Variants in LBP observed in about 807,000 individuals in gnomAD.
The protein encoded by LBP is lipopolysaccharide binding protein.
In LBP, 53 loss-of-function variants were observed where a neutral mutation model predicts 56.6. That is an observed-to-expected ratio of 0.94 (90% confidence interval 0.75 to 1.18). The LOEUF is 1.18. Ranked by LOEUF, LBP falls within the 50% of genes most tolerant of loss-of-function variation. LBP has a pLI of 0.00. For synonymous variants in LBP, 227 were observed against 247.5 expected (o/e 0.92, Z 0.78); for missense variants, 601 against 598.3 (o/e 1.00, Z -0.05).
rs1358381954 is a variant in LBP, at chr20:38,376,978, T to C, written c.*309T>C. On this transcript the variant is annotated 3_prime_UTR_variant, in exon 15 of 15. Transcript: ENST00000217407. ...CCCATGCCTAGCAGAGTGCTGGCAC[T>C]TAGTAGGTCCTCAATAAATATTTAT... 1 of 539,962 alleles carries C rather than the reference T, an allele frequency of 1.9e-6. No homozygotes were observed. Among genetic ancestry groups the C allele is most frequent in the Non-Finnish European group, 3.6e-6 (1 of 281,568 alleles). 33.4% of individuals were successfully genotyped at this position (539,962 alleles called of 1,614,324 possible).
intron 2 of LBP, 117 bp downstream of exon 2, chr20:38,349,779 A>G (rs1739655): frequency 0.93 from 636,520 of 686,746 alleles, 296,044 homozygotes; most frequent in Non-Finnish European, 0.96. Context: ...TCTCCGGGGC[A>G]GACAGTGGGA....
chr20:38,354,318 G>A lies in LBP; in HGVS notation c.403G>A (p.Gly135Ser), dbSNP rs746654448. 3 of 1,613,678 alleles carry A rather than the reference G, an allele frequency of 1.9e-6. No homozygotes were observed. Among genetic ancestry groups the A allele is most frequent in the South Asian group, 2.2e-5 (2 of 91,070 alleles). Residue 135 changes from glycine to serine, a missense_variant, in exon 4 of 15, where the codon GGC becomes AGC. By Grantham distance (56) the Gly-to-Ser change is moderately conservative. Coordinates refer to ENST00000217407, the MANE Select transcript of LBP (RefSeq NM_004139.5). ...LQGSFDVSVK[G>S]ISISVNLLLG... The stretch of plus-strand genomic sequence containing the variant: ...GGGCTCCTTTGATGTCAGTGTCAAG[G>A]GCATCAGCATTTCGGTCAACCTCCT...
chr20:38,365,394 A>T (rs552832693), intron 8 of LBP, among the ~76,000 whole-genome samples: 7 of 152,088 alleles, frequency 4.6e-5, no homozygotes, highest in African/African-American at 1.4e-4. Flanking sequence ...GAGGTTTATT[A>T]AAAAATATTT....
chr20:38,368,844 G>C, intron 9 of LBP, 151 bp from the exon 10 acceptor site: 1 of 736,608 alleles, frequency 1.4e-6, no homozygotes, highest in Admixed American at 2.3e-5. Flanking sequence ...GAGATGGCCA[G>C]TTTTGCCACT....
At chr20:38,362,052 T>C (rs2076862035) in intron 6 of LBP, among the ~76,000 whole-genome samples, 2 of 148,362 alleles carry the variant, frequency 1.3e-5, no homozygotes, top group South Asian at 2.2e-4. Flanking sequence ...TTTTTTGTTT[T>C]CTTTTTTTTT....
chr20:38,373,722 TC>T (rs1424217143), intron 13 of LBP, among the ~76,000 whole-genome samples: 1 of 151,534 alleles, frequency 6.6e-6, no homozygotes, highest in Non-Finnish European at 1.5e-5. Context: ...TTCTGACACT[TC>T]CTGTGTGACC....
chr20:38,373,009 C>A, intron 12 of LBP, 63 bp from the exon 13 acceptor site: 1 of 1,404,634 alleles, frequency 7.1e-7, no homozygotes, highest in Non-Finnish European at 1.0e-6. Context: ...GCTATGTTGG[C>A]ACACACAGAA....
Position 38,373,121 on chromosome 20 carries a change from A to T in LBP, c.1310A>T (p.Tyr437Phe). 6.2e-7 allele frequency: 1 copy of T among 1,613,562 alleles called. No homozygotes were observed. The highest frequency in any genetic ancestry group is 8.5e-7 in the Non-Finnish European group (1 of 1,179,500). The change falls in exon 13 of 15, where the codon TAC becomes TTC. Residue 437 changes from tyrosine (Y) to phenylalanine (F), a missense_variant. Coordinates refer to ENST00000217407, the MANE Select transcript of LBP (RefSeq NM_004139.5). ...AACTATTACATCCTTAACACCTTCT[A>T]CCCCAAGTTCAATGGTAAGAATCAC... is the stretch of plus-strand genomic sequence containing the variant. Reference protein sequence around the residue: ...LLNYYILNTFYPKFNDKLAEG... With the variant: ...LLNYYILNTFFPKFNDKLAEG...
chr20:38,364,179 C>G, intron 7 of LBP, 113 bp downstream of exon 7: 1 of 740,062 alleles, frequency 1.4e-6, no homozygotes, highest in Admixed American at 2.2e-5. Flanking sequence ...CAGTGGTTCC[C>G]GCTTTGTCAA....
At chr20:38,357,381 C>A (rs6127841) in intron 5 of LBP, among the ~76,000 whole-genome samples, 2 of 152,144 alleles carry the variant, frequency 1.3e-5, no homozygotes, top group Admixed American at 1.3e-4. Context: ...TAGAGATCTT[C>A]GAATTATCTT....
Position 38,363,958 on chromosome 20 carries a change from C to T in LBP, c.653-17C>T, listed in dbSNP as rs763870354. On this transcript the variant is annotated splice_polypyrimidine_tract_variant and intron_variant, in intron 6 of 14. Coordinates refer to ENST00000217407, the MANE Select transcript of LBP (RefSeq NM_004139.5). ...AGTGTCATCTGGCCCCTAATTCTGC[C>T]CTGTCCTCATTCACAGTTACAACAG... 19 of 1,591,198 alleles carry T rather than the reference C, an allele frequency of 1.2e-5. No homozygotes were observed. The highest frequency in any genetic ancestry group is 1.5e-5 in the Non-Finnish European group (17 of 1,159,310).
In LBP at chr20:38,371,280, G is replaced by T. The variant is rs2076899911; in HGVS notation, c.1218G>T (p.Lys406Asn). Residue 406 changes from lysine (K) to asparagine (N), a missense_variant and splice_region_variant, in exon 12 of 15, where the codon AAG (lysine) becomes AAT (asparagine). Physicochemically the swap from Lys to Asn is moderately conservative, Grantham distance 94. Transcript: ENST00000217407. ...SKITGFLKPG[K>N]VKVELKESKV... ...TTTAATCTTCTCTGATTCATTACAG[G>T]GTAAAAGTGGAACTGAAAGAATCCA... 6.2e-7 allele frequency: 1 copy of T among 1,610,646 alleles called. No individual in the cohort carries two copies. The highest frequency in any genetic ancestry group is 8.5e-7 in the Non-Finnish European group (1 of 1,177,358).
rs553256528 is a variant in LBP, at chr20:38,350,799, C to G, written c.240-12C>G. 6.3e-7 allele frequency: 1 copy of G among 1,597,100 alleles called. No individual in the cohort carries two copies. The highest frequency in any genetic ancestry group is 8.6e-7 in the Non-Finnish European group (1 of 1,167,768). On this transcript the variant is annotated splice_polypyrimidine_tract_variant and intron_variant, in intron 2 of 14. Transcript: ENST00000217407. ...CCAGGGCTGACACCTCCTTCCATGT[C>G]TCTCCCTTCAGCCTGAACATCCACA...
In LBP at chr20:38,350,898, C is replaced by T. The variant is rs2076818251; in HGVS notation, c.327C>T (p.Ser109=). 1.9e-6 allele frequency: 3 copies of T among 1,614,082 alleles called. No homozygotes were observed. The highest frequency in any genetic ancestry group is 2.5e-6 in the Non-Finnish European group (3 of 1,179,960). ...QGLSLSISDS[S]IRVQGRWKVR... ...TGAGTCTCAGCATCTCCGACTCCTCCATCCGGGTCCAGGGCAGGTGGAAGG... is the reference window on the plus strand; with the variant it reads ...TGAGTCTCAGCATCTCCGACTCCTCTATCCGGGTCCAGGGCAGGTGGAAGG... The change falls in exon 3 of 15, where the codon TCC becomes TCT. Residue 109 remains serine (S), a synonymous_variant. Transcript: ENST00000217407.
chr20:38,355,311 C>A, intron 4 of LBP, 35 bp from the exon 5 acceptor site: 3 of 1,609,338 alleles, frequency 1.9e-6, no homozygotes, highest in Non-Finnish European at 2.6e-6. Flanking sequence ...CCGGCCATCC[C>A]CAAGTTCAGT....
rs540570976 is a variant in LBP, at chr20:38,357,652, T to C, written c.588+2243T>C. On this transcript the variant is annotated intron_variant, in intron 5 of 14. Coordinates refer to ENST00000217407, the MANE Select transcript of LBP (RefSeq NM_004139.5). Reference sequence around the variant, plus strand: ...GTTCATAAAGTGAAAGCAAGTTTATTAGAGAAGTAATGACGGAAAAGAATG... The same window carrying C: ...GTTCATAAAGTGAAAGCAAGTTTATCAGAGAAGTAATGACGGAAAAGAATG... Among the ~76,000 whole-genome samples, 13 of 152,272 alleles carry C rather than the reference T, an allele frequency of 8.5e-5. No individual in the cohort carries two copies. In the South Asian group the frequency reaches 2.7e-3, roughly 32 times the overall value.
Position 38,371,327 on chromosome 20 carries a change from G to A in LBP, c.1260+5G>A, listed in dbSNP as rs2076900165. 1.3e-6 allele frequency: 2 copies of A among 1,597,126 alleles called. No homozygotes were observed. The highest frequency in any genetic ancestry group is 1.7e-5 in the Admixed American group (1 of 59,710). Reference sequence around the variant, plus strand: ...TCCAAAGTTGGACTATTCAATGTAAGTTGTTTTTATTGATGACATGATTAG... The same window carrying A: ...TCCAAAGTTGGACTATTCAATGTAAATTGTTTTTATTGATGACATGATTAG... On this transcript the variant is annotated splice_donor_5th_base_variant and intron_variant, in intron 12 of 14. Coordinates refer to ENST00000217407, the MANE Select transcript of LBP (RefSeq NM_004139.5).
intron 12 of LBP, among the ~76,000 whole-genome samples, chr20:38,371,614 A>G (rs1033318451): frequency 6.6e-6 from 1 of 152,264 alleles, no homozygotes; most frequent in Non-Finnish European, 1.5e-5. Context: ...ATAGGATTAT[A>G]TAATTGAAAA....
rs2232622 is a variant in LBP, at chr20:38,376,736, C to T, written c.*67C>T. On this transcript the variant is annotated 3_prime_UTR_variant, in exon 15 of 15. Coordinates refer to ENST00000217407, the MANE Select transcript of LBP (RefSeq NM_004139.5). ...TTGTTGCATTTCCAGCTGTGCAGCA[C>T]GTCTCAGAGATTCTTGAAGAATGAA... 3,225 of 1,435,764 alleles carry T rather than the reference C, an allele frequency of 2.2e-3. 10 individuals carry two copies. The highest frequency in any genetic ancestry group is 4.9e-3 in the South Asian group (429 of 87,400). The allele number at this position is 1,435,764 out of a possible 1,614,324, so 88.9% of individuals were successfully genotyped here. A position where few individuals can be genotyped will look rare whatever the true frequency, so the allele number is the denominator to read the frequency against.
Sources: allele counts gnomAD v4.1 joint callset (sites outside exome capture counted in the v4.1 genomes callset), GRCh38; gene constraint gnomAD v4.1.1; transcripts MANE v1.5; gene names NCBI Gene and HGNC (gene_info 2026-07-23, HGNC 2026-07-21).